The following PTCHD4 variants were observed in gnomAD, a reference collection of about 807,000 sequenced individuals.
PTCHD4 encodes patched domain containing 4.
PTCHD4 carries 33 observed loss-of-function variants against 58.1 expected under a neutral mutation model. That is an observed-to-expected ratio of 0.57 (90% CI 0.43 to 0.76). The LOEUF is 0.76. Ranked by LOEUF, PTCHD4 falls within the 30% of genes least tolerant of loss-of-function variation. The pLI is 0.00. For synonymous variants in PTCHD4, 478 were observed against 409.6 expected, an observed-to-expected ratio of 1.17 and a Z score of -2.02; for missense variants, 1,058 against 1,027.1, an observed-to-expected ratio of 1.03 and a Z score of -0.41.
At chr6:48,029,561 CCTTTT>C in intron 3 of PTCHD4, among the ~76,000 whole-genome samples, 1 of 152,112 alleles carries the variant, frequency 6.6e-6, no homozygotes, top group Non-Finnish European at 1.5e-5. Context: ...ATAATCCCTT[CCTTTT>C]CTTTTAAGTT....
intron 4 of PTCHD4, among the ~76,000 whole-genome samples, chr6:47,916,444 TG>T (rs1765245851): frequency 6.6e-6 from 1 of 152,068 alleles, no homozygotes; most frequent in Non-Finnish European, 1.5e-5. Flanking sequence ...AGCAGCAGGA[TG>T]GACCATTTTG....
At chr6:47,992,658 G>GTA (rs1255741068) in intron 4 of PTCHD4, among the ~76,000 whole-genome samples, 2 of 151,838 alleles carry the variant, frequency 1.3e-5, no homozygotes, top group African/African-American at 4.8e-5. Context: ...TGATATCTCT[G>GTA]TATATATATA....
intron 3 of PTCHD4, among the ~76,000 whole-genome samples, chr6:48,063,156 A>G (rs1382576455): frequency 6.6e-6 from 1 of 152,168 alleles, no homozygotes; most frequent in East Asian, 1.9e-4. Flanking sequence ...ACTTTGGGCC[A>G]GGTTACAGGA....
chr6:47,993,617 A>G (rs1768363681), intron 4 of PTCHD4, among the ~76,000 whole-genome samples: 1 of 152,192 alleles, frequency 6.6e-6, no homozygotes, highest in Non-Finnish European at 1.5e-5. Flanking sequence ...GACTGCTCCT[A>G]AGTCTGCTGA....
intron 3 of PTCHD4, among the ~76,000 whole-genome samples, chr6:48,033,029 A>AT (rs1223240278): frequency 2.0e-5 from 3 of 152,098 alleles, no homozygotes; most frequent in South Asian, 2.1e-4. Context: ...AGCTAAAAAT[A>AT]TTTTTTTTAG....
At chr6:47,887,734 G>A (rs898187382) in intron 4 of PTCHD4, among the ~76,000 whole-genome samples, 1 of 152,158 alleles carries the variant, frequency 6.6e-6, no homozygotes, top group Non-Finnish European at 1.5e-5. Context: ...GTCTAGTCTT[G>A]AGGTGATGAT....
chr6:48,097,511 T>C (rs1169991769), intron 1 of PTCHD4, among the ~76,000 whole-genome samples: 1 of 152,170 alleles, frequency 6.6e-6, no homozygotes, highest in Non-Finnish European at 1.5e-5. Context: ...TTACAATTAA[T>C]AAATCACTAA....
intron 4 of PTCHD4, among the ~76,000 whole-genome samples, chr6:47,916,351 G>A (rs1038906129): frequency 6.6e-6 from 1 of 151,970 alleles, no homozygotes; most frequent in African/African-American, 2.4e-5. Context: ...CCAAGCATTG[G>A]TACTGCTGAC....
intron 1 of PTCHD4, among the ~76,000 whole-genome samples, chr6:48,093,615 G>T (rs1022148596): frequency 1.3e-5 from 2 of 152,064 alleles, no homozygotes; most frequent in Non-Finnish European, 1.5e-5. Flanking sequence ...GGGAGAAATT[G>T]CTGGAAAAGA....
At chr6:47,936,508 A>T (rs903270430) in intron 4 of PTCHD4, among the ~76,000 whole-genome samples, 1 of 152,236 alleles carries the variant, frequency 6.6e-6, no homozygotes, top group Non-Finnish European at 1.5e-5. Flanking sequence ...AAGCTGAGAA[A>T]GTTTTAGTGA....
chr6:48,108,855 A>T (rs910305467), intron 1 of PTCHD4, among the ~76,000 whole-genome samples: 3 of 151,884 alleles, frequency 2.0e-5, no homozygotes, highest in African/African-American at 7.2e-5. Flanking sequence ...TTTGGAAAAC[A>T]TTAATAAACA....
rs1017444982 is a variant in PTCHD4, at chr6:47,869,967, T to C, written c.*8336A>G. Among the ~76,000 whole-genome samples, 5 of 151,570 alleles carry C rather than the reference T, an allele frequency of 3.3e-5. No individual in the cohort carries two copies. The highest frequency in any genetic ancestry group is 4.8e-5 in the African/African-American group (2 of 41,388). On this transcript the variant is annotated 3_prime_UTR_variant, in exon 5 of 5. Transcript: ENST00000339488. ...AAAGAATGAAGAAAAATCTGGCGAA[T>C]TTAAGAATAACCTAGCTTTTACAGC...
intron 4 of PTCHD4, among the ~76,000 whole-genome samples, chr6:47,881,638 T>C (rs1000230074): frequency 5.3e-5 from 8 of 152,146 alleles, no homozygotes; most frequent in African/African-American, 1.4e-4. Flanking sequence ...TACCAAAACC[T>C]CTTTTAAGAT....
intron 4 of PTCHD4, among the ~76,000 whole-genome samples, chr6:47,920,692 C>A (rs937870142): frequency 1.3e-5 from 2 of 152,090 alleles, no homozygotes; most frequent in East Asian, 1.9e-4. Flanking sequence ...TCCACCCATA[C>A]AATTATATTA....
At chr6:47,962,163 A>G (rs1767124172) in intron 4 of PTCHD4, among the ~76,000 whole-genome samples, 1 of 152,186 alleles carries the variant, frequency 6.6e-6, no homozygotes, top group African/African-American at 2.4e-5. Flanking sequence ...GTTTTGTATA[A>G]TATGAAAGAA....
At chr6:47,893,555 C>T (rs1229831458) in intron 4 of PTCHD4, among the ~76,000 whole-genome samples, 1 of 152,184 alleles carries the variant, frequency 6.6e-6, no homozygotes, top group Non-Finnish European at 1.5e-5. Flanking sequence ...CATTTCTTCA[C>T]TACCATCTAT....
intron 4 of PTCHD4, among the ~76,000 whole-genome samples, chr6:47,967,105 A>G (rs1767322785): frequency 6.6e-6 from 1 of 152,156 alleles, no homozygotes; most frequent in African/African-American, 2.4e-5. Flanking sequence ...AGCCTTACAA[A>G]ATGTATTTCT....
rs921371224 is a variant in PTCHD4 at position 47,863,544 on chromosome 6, T to C, written c.*14759A>G. Among the ~76,000 whole-genome samples, 4 of 151,986 alleles carry C rather than the reference T, an allele frequency of 2.6e-5. No homozygotes were observed. The highest frequency in any genetic ancestry group is 9.7e-5 in the African/African-American group (4 of 41,420). On this transcript the variant is annotated 3_prime_UTR_variant, in exon 5 of 5. Coordinates refer to ENST00000339488, the MANE Select transcript of PTCHD4 (RefSeq NM_001384253.1). ...CAATATGCCCAGTTAAATTTGAATT[T>C]CAGAGAAACAAGTATTTTTAGTATA... is the stretch of plus-strand genomic sequence containing the variant.
intron 4 of PTCHD4, among the ~76,000 whole-genome samples, chr6:47,974,832 T>C (rs1561986094): frequency 6.6e-6 from 1 of 152,216 alleles, no homozygotes; most frequent in Non-Finnish European, 1.5e-5. Context: ...GGACAATAGA[T>C]ACAAAAATAT....
Sources: allele counts gnomAD v4.1 joint callset (sites outside exome capture counted in the v4.1 genomes callset), GRCh38; gene constraint gnomAD v4.1.1; transcripts MANE v1.5; gene names NCBI Gene and HGNC (gene_info 2026-07-23, HGNC 2026-07-21).